Variants in IRAK2 observed in about 807,000 individuals in gnomAD.
IRAK2 encodes the protein interleukin 1 receptor associated kinase 2.
Under a neutral mutation model 72.0 loss-of-function variants are expected in IRAK2, and 57 were observed. The ratio of observed to expected loss-of-function variants is 0.79; its 90% CI spans 0.64 to 0.99. The LOEUF (loss-of-function observed/expected upper bound fraction) is 0.99. IRAK2 is among the 50% of genes least tolerant of loss of function. IRAK2 has a pLI of 0.00. For missense variants in IRAK2, 790 were observed against 794.4 expected, an observed-to-expected ratio of 0.99 and a Z score of 0.07; for synonymous variants, 293 against 312.7, an observed-to-expected ratio of 0.94 and a Z score of 0.67.
chr3:10,201,714 A>G (rs1697363361), intron 3 of IRAK2, among the ~76,000 whole-genome samples: 1 of 152,296 alleles, frequency 6.6e-6, no homozygotes, highest in Admixed American at 6.5e-5. Context: ...GCTCAGCCCA[A>G]TCTCCATTCT....
intron 1 of IRAK2, among the ~76,000 whole-genome samples, chr3:10,169,591 C>G (rs1375396643): frequency 6.6e-6 from 1 of 152,222 alleles, no homozygotes; most frequent in African/African-American, 2.4e-5. Context: ...CACAGGCAGT[C>G]AGACCTTATG....
In IRAK2 at chr3:10,239,051, G is replaced by A; in HGVS notation, c.1765+12G>A. On this transcript the variant is annotated intron_variant, in intron 12 of 12. Transcript: ENST00000256458. Reference sequence around the variant, plus strand: ...GCCTCCCCAGGATGGTAAGCCGGAAGTCAGAGTGCATTTGGATGCTCATGT... The same window carrying A: ...GCCTCCCCAGGATGGTAAGCCGGAAATCAGAGTGCATTTGGATGCTCATGT... 7 of 1,572,514 alleles carry A rather than the reference G, an allele frequency of 4.5e-6. No individual in the cohort carries two copies. Among genetic ancestry groups the A allele is most frequent in the Non-Finnish European group, 6.0e-6 (7 of 1,161,368 alleles).
intron 3 of IRAK2, among the ~76,000 whole-genome samples, chr3:10,203,766 G>C (rs6777799): frequency 0.34 from 51,976 of 152,106 alleles, 9,218 homozygotes; most frequent in Admixed American, 0.41. Flanking sequence ...CGAGTAGCTG[G>C]CACTACAGGT....
At chr3:10,214,938 A>G (rs1413028053) in intron 6 of IRAK2, among the ~76,000 whole-genome samples, 2 of 151,962 alleles carry the variant, frequency 1.3e-5, no homozygotes, top group African/African-American at 4.8e-5. Context: ...TACAAAAAAT[A>G]CAAAAATTAG....
chr3:10,198,266 A>G (rs2125150792), intron 2 of IRAK2, among the ~76,000 whole-genome samples: 1 of 152,364 alleles, frequency 6.6e-6, no homozygotes. Flanking sequence ...AAGAAAACAC[A>G]AGGACGAAGC....
rs13081246 is a variant in IRAK2, at chr3:10,241,248, G to A, written c.1766-868G>A. Among the ~76,000 whole-genome samples, 11 of 107,844 alleles carry A rather than the reference G, an allele frequency of 1.0e-4. No homozygotes were observed. The East Asian group carries it at 3.5e-3, about 34-fold the overall frequency. 70.7% of individuals were successfully genotyped at this position (107,844 alleles called of 152,430 possible). On this transcript the variant is annotated intron_variant, in intron 12 of 12. Transcript: ENST00000256458. ...CAACATGGTGAAAACCTGTCTCTAC[G>A]AAAGATGCAAAAATTAGCCAGGTGT... is the stretch of plus-strand genomic sequence containing the variant.
chr3:10,238,116 A>T (rs1427638002), intron 11 of IRAK2, among the ~76,000 whole-genome samples: 2 of 152,102 alleles, frequency 1.3e-5, no homozygotes, highest in African/African-American at 4.8e-5. Flanking sequence ...GTGCACGCAC[A>T]CACACACAGA....
chr3:10,207,788 T>C (rs1483365661), intron 3 of IRAK2, among the ~76,000 whole-genome samples: 2 of 150,952 alleles, frequency 1.3e-5, no homozygotes, highest in African/African-American at 4.9e-5. Flanking sequence ...AGGTCAGGAG[T>C]TCAAAACCAG....
rs528616433 is a variant in IRAK2, at chr3:10,203,437, C to A, written c.424+2922C>A. 1.4e-4 allele frequency among the ~76,000 whole-genome samples: 22 copies of A among 152,338 alleles called. No homozygotes were observed. In the East Asian group the frequency reaches 4.2e-3, roughly 29 times the overall value. ...ATAAGAAATCATTCATTTCATCAAA[C>A]CACCCAAAGCTTGTCTTCTTTCGGG... On this transcript the variant is annotated intron_variant, in intron 3 of 12. Coordinates refer to ENST00000256458, the MANE Select transcript of IRAK2 (RefSeq NM_001570.4).
chr3:10,199,825 A>G (rs1275917004), intron 2 of IRAK2, among the ~76,000 whole-genome samples: 1 of 149,608 alleles, frequency 6.7e-6, no homozygotes, highest in Admixed American at 6.7e-5. Context: ...AAGCAGGTGT[A>G]TGTGACTTAG....
intron 1 of IRAK2, among the ~76,000 whole-genome samples, chr3:10,174,673 C>T (rs1038541743): frequency 2.0e-5 from 3 of 151,944 alleles, no homozygotes; most frequent in Non-Finnish European, 2.9e-5. Context: ...TACAAGTGGG[C>T]ACCACCACGC....
chr3:10,177,933 T>G lies in IRAK2; in HGVS notation c.190T>G (p.Trp64Gly). 6.2e-7 allele frequency: 1 copy of G among 1,613,916 alleles called. No homozygotes were observed. The highest frequency in any genetic ancestry group is 8.5e-7 in the Non-Finnish European group (1 of 1,180,032). The change falls in exon 2 of 13, where the codon TGG becomes GGG. Residue 64 changes from tryptophan (W) to glycine (G), a missense_variant. Physicochemically the swap from Trp to Gly is radical, Grantham distance 184. Transcript: ENST00000256458. Reference sequence around the variant, plus strand: ...CATCACGCGGGAGCTGCTGTGGTGGTGGGGCATGCGGCAGGCCACCGTCCA... The same window carrying G: ...CATCACGCGGGAGCTGCTGTGGTGGGGGGGCATGCGGCAGGCCACCGTCCA... ...VSITRELLWW[W>G]GMRQATVQQL...
intron 2 of IRAK2, among the ~76,000 whole-genome samples, chr3:10,196,197 C>G (rs1321452446): frequency 1.3e-5 from 2 of 152,250 alleles, no homozygotes; most frequent in Non-Finnish European, 2.9e-5. Flanking sequence ...ACACTGCAGC[C>G]TCCGCCTCCC....
chr3:10,184,723 G>T (rs370867939), intron 2 of IRAK2, among the ~76,000 whole-genome samples: 4 of 102,024 alleles, frequency 3.9e-5, no homozygotes, highest in South Asian at 8.1e-4. Context: ...GTTTTTGTGT[G>T]TTTTTTTTTT....
At chr3:10,175,318 G>A (rs554864248) in intron 1 of IRAK2, among the ~76,000 whole-genome samples, 142 of 151,872 alleles carry the variant, frequency 9.3e-4, no homozygotes, top group African/African-American at 2.6e-3. Context: ...GTAGAGACGG[G>A]GTTTCACCAT....
intron 12 of IRAK2, 56 bp from the exon 13 acceptor site, chr3:10,242,060 A>T (rs1044204768): frequency 1.2e-5 from 12 of 979,356 alleles, no homozygotes; most frequent in Non-Finnish European, 1.9e-5. Flanking sequence ...TTTAAGAATT[A>T]TAATAATAGT....
At chr3:10,180,770 G>A (rs1696948620) in intron 2 of IRAK2, among the ~76,000 whole-genome samples, 1 of 152,134 alleles carries the variant, frequency 6.6e-6, no homozygotes, top group Admixed American at 6.5e-5. Flanking sequence ...AACCAGGAGA[G>A]CAGGGGATGC....
intron 2 of IRAK2, among the ~76,000 whole-genome samples, chr3:10,192,052 GTGTGTGTGTT>G (rs1697183569): frequency 1.3e-5 from 2 of 151,774 alleles, no homozygotes; most frequent in African/African-American, 4.8e-5. Context: ...GTGTGTGTGT[GTGTGTGTGTT>G]GTGTGTTGTG....
chr3:10,167,948 C>G (rs1696722681), intron 1 of IRAK2, among the ~76,000 whole-genome samples: 1 of 152,174 alleles, frequency 6.6e-6, no homozygotes, highest in African/African-American at 2.4e-5. Context: ...CAGGTGTGCA[C>G]TGCTGCACCC....
Sources: allele counts gnomAD v4.1 joint callset (sites outside exome capture counted in the v4.1 genomes callset), GRCh38; gene constraint gnomAD v4.1.1; transcripts MANE v1.5; gene names NCBI Gene and HGNC (gene_info 2026-07-23, HGNC 2026-07-21).